Variants in HMCN2 observed in about 807,000 individuals in gnomAD.
HMCN2 encodes the protein hemicentin-2.
A neutral mutation model predicts 377.5 loss-of-function variants in HMCN2; 325 were observed. The ratio of observed to expected loss-of-function variants is 0.86; its 90% confidence interval spans 0.79 to 0.94. The LOEUF is 0.94. HMCN2 is among the 40% of genes least tolerant of loss of function. The probability of loss-of-function intolerance (pLI) is 0.00; values close to 1 mark genes in which losing one functional copy is unlikely to be tolerated. For missense variants in HMCN2, 4,543 were observed against 4,725.3 expected (o/e 0.96, Z 1.13); for synonymous variants, 2,007 against 2,046.8 (o/e 0.98, Z 0.53).
In HMCN2 at chr9:130,422,556, C is replaced by G; in HGVS notation, c.13232-21C>G. ...CGGGGTGGATAGTCAGTGGCACTGTCATTCTTTCCCTTCCTTACAGGGGAG... is the reference window on the plus strand; with the variant it reads ...CGGGGTGGATAGTCAGTGGCACTGTGATTCTTTCCCTTCCTTACAGGGGAG... On this transcript the variant is annotated intron_variant, in intron 86 of 97. Transcript: ENST00000683500. This position sits in a 1 kb window ranked among gnomAD's most constrained non-coding sequence, Gnocchi z 4.2. The G allele has an allele frequency of 7.6e-7, 1 of 1,314,716 alleles. No homozygotes were observed. Among genetic ancestry groups the G allele is most frequent in the Non-Finnish European group, 9.8e-7 (1 of 1,025,268 alleles). 81.4% of individuals were successfully genotyped at this position (1,314,716 alleles called of 1,614,324 possible). A position where few individuals can be genotyped will look rare whatever the true frequency, so the allele number is the denominator to read the frequency against.
chr9:130,412,331 C>A (rs1843467491), intron 85 of HMCN2, among the ~76,000 whole-genome samples: 1 of 152,056 alleles, frequency 6.6e-6, no homozygotes, highest in Non-Finnish European at 1.5e-5. Context: ...GAGTTCTTTA[C>A]ATAGCATGGA....
At chr9:130,346,180 G>C (rs1480915660) in intron 25 of HMCN2, among the ~76,000 whole-genome samples, 3 of 152,118 alleles carry the variant, frequency 2.0e-5, no homozygotes, top group Non-Finnish European at 2.9e-5. Context: ...GGGGGCAGGT[G>C]AGAGCTAGGG....
In HMCN2 at chr9:130,433,835, A is replaced by T. The variant is rs1184036496; in HGVS notation, c.*142A>T. On this transcript the variant is annotated 3_prime_UTR_variant, in exon 98 of 98. Coordinates refer to ENST00000683500, the MANE Select transcript of HMCN2 (RefSeq NM_001291815.2). ...GTCAGCGAGACCTTGGGTCAACACG[A>T]CCCTGCGCACAGCCTTGACCCCCGA... 8 of 684,624 alleles carry T rather than the reference A, an allele frequency of 1.2e-5. No individual in the cohort carries two copies. The highest frequency in any genetic ancestry group is 1.8e-5 in the Non-Finnish European group (8 of 445,448). 42.4% of individuals were successfully genotyped at this position (684,624 alleles called of 1,614,324 possible). A position where few individuals can be genotyped will look rare whatever the true frequency, so the allele number is the denominator to read the frequency against.
Position 130,277,856 on chromosome 9 carries a change from CCACCAT to C in HMCN2, c.260-6744_260-6739del, listed in dbSNP as rs1554923782. On this transcript the variant is annotated intron_variant, in intron 1 of 97. Transcript: ENST00000683500. Reference sequence around the variant, plus strand: ...ACCATCATCATCATCACCACCACCACCACCATCATCATCATCACCACCACCATCATC... The same window carrying C: ...ACCATCATCATCATCACCACCACCACCATCATCATCACCACCACCATCATC... Among the ~76,000 whole-genome samples the C allele has an allele frequency of 8.9e-4, 28 of 31,296 alleles. 2 individuals carry two copies. The highest frequency in any genetic ancestry group is 3.1e-3 in the African/African-American group (23 of 7,402). The allele number at this position is 31,296 out of a possible 152,430, so 20.5% of individuals were successfully genotyped here.
intron 39 of HMCN2, among the ~76,000 whole-genome samples, chr9:130,362,470 A>C (rs1840439143): frequency 6.6e-6 from 1 of 152,242 alleles, no homozygotes; most frequent in South Asian, 2.1e-4. Context: ...TATCCAAAAT[A>C]GCTTCATTTC....
intron 14 of HMCN2, among the ~76,000 whole-genome samples, chr9:130,309,431 C>T (rs1292353836): frequency 6.9e-6 from 1 of 144,372 alleles, no homozygotes; most frequent in Non-Finnish European, 1.5e-5. Context: ...AGGATAATCG[C>T]TTGAACCTGG....
intron 22 of HMCN2, among the ~76,000 whole-genome samples, chr9:130,336,421 G>A (rs996801947): frequency 1.4e-4 from 22 of 152,312 alleles, no homozygotes; most frequent in African/African-American, 4.3e-4. Flanking sequence ...TCCAGACGCC[G>A]TGTTATGAAT....
chr9:130,277,659 A>C (rs898259966), intron 1 of HMCN2, among the ~76,000 whole-genome samples: 1 of 151,998 alleles, frequency 6.6e-6, no homozygotes. Context: ...GTAAACATCA[A>C]AACAATGGTA....
intron 62 of HMCN2, among the ~76,000 whole-genome samples, chr9:130,390,396 C>T (rs1160041757): frequency 1.3e-5 from 2 of 152,212 alleles, no homozygotes; most frequent in Non-Finnish European, 2.9e-5. Context: ...TCTTGATTCC[C>T]AGGCTCTGCG....
Position 130,394,070 on chromosome 9 carries a change from G to A in HMCN2, c.10501+62G>A, listed in dbSNP as rs899372434. On this transcript the variant is annotated intron_variant, in intron 68 of 97. Coordinates refer to ENST00000683500, the MANE Select transcript of HMCN2 (RefSeq NM_001291815.2). This position sits in a 1 kb window ranked among gnomAD's most constrained non-coding sequence, Gnocchi z 5.1. ...CGGGGGAGAGGGTGGGACTCTAGGGGCAATGGGAAGGACAGTGAGGGAGGT... is the reference window on the plus strand; with the variant it reads ...CGGGGGAGAGGGTGGGACTCTAGGGACAATGGGAAGGACAGTGAGGGAGGT... 3.4e-6 allele frequency: 4 copies of A among 1,183,908 alleles called. 1 individual carries two copies. The highest frequency in any genetic ancestry group is 6.0e-5 in the East Asian group (1 of 16,558). The allele number at this position is 1,183,908 out of a possible 1,614,324, so 73.3% of individuals were successfully genotyped here. A position where few individuals can be genotyped will look rare whatever the true frequency, so the allele number is the denominator to read the frequency against.
Position 130,382,295 on chromosome 9 carries a change from T to A in HMCN2, c.8543T>A (p.Leu2848Gln). The A allele has an allele frequency of 1.0e-6, 1 of 985,260 alleles. No individual in the cohort carries two copies. The highest frequency in any genetic ancestry group is 1.2e-6 in the Non-Finnish European group (1 of 829,416). 61.0% of individuals were successfully genotyped at this position (985,260 alleles called of 1,614,324 possible). ...EDWLHYELLV[L>Q]TPPVILGDTE... ...TGGCTGCACTACGAGCTGCTGGTGC[T>A]GAGTGAGTGGCGGGGCCTGCAGGTG... Residue 2848 changes from leucine to glutamine, a missense_variant and splice_region_variant, in exon 55 of 98, where the codon CTG (leucine) becomes CAG (glutamine). Coordinates refer to ENST00000683500, the MANE Select transcript of HMCN2 (RefSeq NM_001291815.2).
intron 15 of HMCN2, among the ~76,000 whole-genome samples, 167 bp from the exon 16 acceptor site, chr9:130,319,328 G>A (rs1299962301): frequency 2.6e-5 from 4 of 152,116 alleles, no homozygotes; most frequent in Non-Finnish European, 5.9e-5. Flanking sequence ...AGCTCTCCAG[G>A]GGTGGATGCC....
chr9:130,382,352 C>A, intron 55 of HMCN2, 55 bp downstream of exon 55: 1 of 849,976 alleles, frequency 1.2e-6, no homozygotes, highest in Non-Finnish European at 1.4e-6. Flanking sequence ...GCCGTAAGGG[C>A]CTCCCTCAGA....
chr9:130,409,343 G>A (rs2131744760), intron 84 of HMCN2, among the ~76,000 whole-genome samples: 1 of 152,310 alleles, frequency 6.6e-6, no homozygotes, highest in Middle Eastern at 3.4e-3. Context: ...ACCAATAAGT[G>A]CAGGAGGCAG....
intron 14 of HMCN2, 31 bp downstream of exon 14, chr9:130,307,597 C>T: frequency 2.1e-6 from 1 of 471,030 alleles, no homozygotes; most frequent in Non-Finnish European, 4.4e-6. Flanking sequence ...CCTGAAGGAA[C>T]AGCTTTCCAG....
rs1363167162 is a variant in HMCN2 at position 130,384,495 on chromosome 9, C to T, written c.8953C>T (p.Gln2985Ter). Residue 2985 changes from glutamine (Q) to a stop codon, truncating the protein, a stop_gained, in exon 58 of 98, where the codon CAG becomes TAG. Coordinates refer to ENST00000683500, the MANE Select transcript of HMCN2 (RefSeq NM_001291815.2). LOFTEE classifies it high-confidence loss of function. Reference protein sequence around the residue: ...NPEVTWYKDSQALSLGEEVFL... With the variant: ...NPEVTWYKDS ...CGAGGTCACGTGGTACAAGGACAGC[C>T]AGGCCCTCTCCCTGGGTGAAGAGGT... 7.7e-7 allele frequency: 1 copy of T among 1,304,186 alleles called. No individual in the cohort carries two copies. The highest frequency in any genetic ancestry group is 1.0e-6 in the Non-Finnish European group (1 of 988,976). The allele number at this position is 1,304,186 out of a possible 1,614,324, so 80.8% of individuals were successfully genotyped here.
At position 130,406,118 on chromosome 9, in the gene HMCN2, G is replaced by A; in HGVS notation, c.12503G>A (p.Gly4168Asp). 1 of 1,289,848 alleles carries A rather than the reference G, an allele frequency of 7.8e-7. No homozygotes were observed. Among genetic ancestry groups the A allele is most frequent in the African/African-American group, 1.5e-5 (1 of 65,990 alleles). The allele number at this position is 1,289,848 out of a possible 1,614,324, so 79.9% of individuals were successfully genotyped here. A position where few individuals can be genotyped will look rare whatever the true frequency, so the allele number is the denominator to read the frequency against. Residue 4168 changes from glycine to aspartate, a missense_variant, in exon 82 of 98, where the codon GGC becomes GAC. Around this residue, in one of 5 missense-constraint regions of HMCN2, gnomAD observed 1,073 missense variants for 1,319.5 expected, o/e 0.81. Coordinates refer to ENST00000683500, the MANE Select transcript of HMCN2 (RefSeq NM_001291815.2). ...DRLWLRCAAR[G>D]SPTPRIGWTV... The stretch of plus-strand genomic sequence containing the variant: ...CTGTGGCTTCGCTGTGCAGCCCGGG[G>A]CAGCCCCACCCCTCGCATTGGCTGG...
chr9:130,361,740 G>C lies in HMCN2; in HGVS notation c.5951-268G>C, dbSNP rs1164111820. Among the ~76,000 whole-genome samples, 6 of 152,310 alleles carry C rather than the reference G, an allele frequency of 3.9e-5. No individual in the cohort carries two copies. The highest frequency in any genetic ancestry group is 1.4e-4 in the African/African-American group (6 of 41,554). ...TTCTGCTGACCAGAGGCCTGAGTGC[G>C]AGTGCTGCTTCCTGGGTGGTCAGCC... On this transcript the variant is annotated intron_variant, in intron 38 of 97. Coordinates refer to ENST00000683500, the MANE Select transcript of HMCN2 (RefSeq NM_001291815.2). This position sits in a 1 kb window ranked among gnomAD's most constrained non-coding sequence, Gnocchi z 4.8.
chr9:130,427,426 TG>T (rs1844444298), intron 91 of HMCN2, 51 bp downstream of exon 91: 4 of 1,550,254 alleles, frequency 2.6e-6, no homozygotes, highest in Middle Eastern at 1.7e-4. Flanking sequence ...CAGCCTGGGA[TG>T]GATGGCTTCT....
Sources: gnomAD v4.1 joint callset for allele counts (sites outside exome capture counted in the v4.1 genomes callset) on GRCh38, gnomAD v4.1.1 for gene constraint, gnomAD v4.1.1 regional missense constraint, Gnocchi (gnomAD v3.1) non-coding constraint, MANE v1.5 for transcripts, NCBI Gene and HGNC (gene_info 2026-07-23, HGNC 2026-07-21) for gene names.